The following ANKRD36 variants were observed in gnomAD, a reference collection of about 807,000 sequenced individuals.
The protein encoded by ANKRD36 is ankyrin repeat domain-containing protein 36A.
ANKRD36 carries 179 observed loss-of-function variants against 278.1 expected under a neutral mutation model. The observed-to-expected ratio is 0.64, with a 90% CI of 0.57 to 0.73. The LOEUF is 0.73. Among genes scored for constraint, ANKRD36 ranks in the 30% least tolerant of loss-of-function variants. The pLI is 0.00. For missense variants in ANKRD36, 1,159 were observed against 1,956.7 expected, an observed-to-expected ratio of 0.59 and a Z score of 7.69; for synonymous variants, 320 against 641.1, an observed-to-expected ratio of 0.50 and a Z score of 7.57.
rs138555651 is a variant in ANKRD36 at position 97,194,036 on chromosome 2, T to G, written c.2450-690T>G. Among the ~76,000 whole-genome samples the G allele has an allele frequency of 4.2e-3, 644 of 151,774 alleles. 3 individuals carry two copies. The highest frequency in any genetic ancestry group is 0.014 in the African/African-American group (597 of 41,492). On this transcript the variant is annotated intron_variant, in intron 38 of 75. Transcript: ENST00000420699. Reference sequence around the variant, plus strand: ...TGTCAAATGATAATTGATGATATTTTTATTGAGGCTAATATATTATCCTTT... The same window carrying G: ...TGTCAAATGATAATTGATGATATTTGTATTGAGGCTAATATATTATCCTTT...
chr2:97,206,647 C>G (rs1030141874), intron 52 of ANKRD36, among the ~76,000 whole-genome samples: 3 of 151,396 alleles, frequency 2.0e-5, no homozygotes, highest in African/African-American at 4.8e-5. Context: ...TTTGGGGTTT[C>G]TGCTGAGGAA....
intron 4 of ANKRD36, among the ~76,000 whole-genome samples, chr2:97,123,619 A>G (rs1429976417): frequency 2.3e-3 from 100 of 43,584 alleles, no homozygotes; most frequent in Non-Finnish European, 8.0e-3. Context: ...AACATTATAT[A>G]TATATATATA....
At chr2:97,172,181 A>G (rs967596372) in intron 22 of ANKRD36, among the ~76,000 whole-genome samples, 3 of 151,876 alleles carry the variant, frequency 2.0e-5, no homozygotes, top group African/African-American at 7.2e-5. Context: ...ACACATGTGC[A>G]CATTCATAGA....
At chr2:97,196,237 T>C (rs1287533797) in intron 40 of ANKRD36, among the ~76,000 whole-genome samples, 1 of 151,988 alleles carries the variant, frequency 6.6e-6, no homozygotes, top group Admixed American at 6.6e-5. Flanking sequence ...TGTGAGATCA[T>C]GTAGCACCTG....
rs1439583739 is a variant in ANKRD36, at chr2:97,144,645, A to G, written c.936A>G (p.Thr312=). ...TTGTTTGAAATCCCACTCAGGATAC[A>G]AGTGACAAGGATGATTCTGTTTCGA... is the stretch of plus-strand genomic sequence containing the variant. ...SSQKQPALKD[T]SDKDDSVSNT... is the part of the protein sequence containing the mutation. The change falls in exon 10 of 76, where the codon ACA becomes ACG. Residue 312 remains threonine, a synonymous_variant. Transcript: ENST00000420699. 5.2e-6 allele frequency: 8 copies of G among 1,544,328 alleles called. No individual in the cohort carries two copies.
intron 56 of ANKRD36, among the ~76,000 whole-genome samples, chr2:97,210,309 T>A (rs867621672): frequency 1.3e-5 from 2 of 151,830 alleles, no homozygotes; most frequent in Admixed American, 6.6e-5. Context: ...GTGTAGCAAC[T>A]ATTTTCCTAA....
chr2:97,216,330 T>C (rs2065918016), intron 62 of ANKRD36, among the ~76,000 whole-genome samples: 1 of 151,878 alleles, frequency 6.6e-6, no homozygotes, highest in Admixed American at 6.6e-5. Flanking sequence ...AACAAGACTA[T>C]TATAGAAACA....
rs920883490 is a variant in ANKRD36 at position 97,187,326 on chromosome 2, C to G, written c.2071-3C>G. On this transcript the variant is annotated splice_region_variant and splice_polypyrimidine_tract_variant and intron_variant, in intron 31 of 75. Transcript: ENST00000420699. Reference sequence around the variant, plus strand: ...TTATTATTTTCTTTCAAATTCCATTCAGGCTACAACTGACGAGGAAGACTC... The same window carrying G: ...TTATTATTTTCTTTCAAATTCCATTGAGGCTACAACTGACGAGGAAGACTC... The G allele has an allele frequency of 6.2e-7, 1 of 1,605,468 alleles. No homozygotes were observed. Among genetic ancestry groups the G allele is most frequent in the Non-Finnish European group, 8.5e-7 (1 of 1,176,600 alleles).
intron 16 of ANKRD36, among the ~76,000 whole-genome samples, 171 bp downstream of exon 16, chr2:97,158,338 C>A (rs2048036054): frequency 6.6e-6 from 1 of 152,176 alleles, no homozygotes; most frequent in Non-Finnish European, 1.5e-5. Context: ...AGTGATTCTC[C>A]TGCCTCAGCC....
At chr2:97,132,271 C>T (rs1445683493) in intron 6 of ANKRD36, among the ~76,000 whole-genome samples, 4 of 151,782 alleles carry the variant, frequency 2.6e-5, no homozygotes, top group African/African-American at 9.7e-5. Flanking sequence ...GTTGGGACTA[C>T]AGGTGTGTGT....
chr2:97,150,733 G>A (rs1012417256), intron 12 of ANKRD36, among the ~76,000 whole-genome samples: 2 of 152,214 alleles, frequency 1.3e-5, no homozygotes, highest in African/African-American at 4.8e-5. Flanking sequence ...GCTTAGATTA[G>A]GATTTTAGAT....
At chr2:97,242,433 T>C (rs2074625883) in intron 69 of ANKRD36, among the ~76,000 whole-genome samples, 1 of 150,756 alleles carries the variant, frequency 6.6e-6, no homozygotes, top group Non-Finnish European at 1.5e-5. Context: ...AAGACATGTA[T>C]TATTCTTTAT....
chr2:97,128,952 G>A (rs1404099271), intron 6 of ANKRD36, among the ~76,000 whole-genome samples: 1 of 152,076 alleles, frequency 6.6e-6, no homozygotes, highest in Non-Finnish European at 1.5e-5. Flanking sequence ...TGTCTTTATA[G>A]CAGCATGATT....
At chr2:97,215,669 A>G (rs2065741906) in intron 62 of ANKRD36, 172 bp downstream of exon 62, 1 of 1,527,732 alleles carries the variant, frequency 6.5e-7, no homozygotes, top group Non-Finnish European at 8.9e-7. Flanking sequence ...GTCCTTGACC[A>G]TGATCTGAGT....
intron 1 of ANKRD36, among the ~76,000 whole-genome samples, chr2:97,117,302 T>A (rs893897819): frequency 1.3e-5 from 2 of 152,072 alleles, no homozygotes; most frequent in African/African-American, 4.8e-5. Flanking sequence ...TTTGTTTTTT[T>A]ATTTTTGCCT....
intron 68 of ANKRD36, among the ~76,000 whole-genome samples, chr2:97,240,984 T>TGTTG (rs1576533983): frequency 3.7e-4 from 7 of 18,798 alleles, no homozygotes; most frequent in African/African-American, 2.2e-3. Context: ...ATAACTATGT[T>TGTTG]TTTTTTTTTT....
intron 52 of ANKRD36, among the ~76,000 whole-genome samples, chr2:97,207,023 A>G (rs1023593959): frequency 6.6e-6 from 1 of 151,718 alleles, no homozygotes; most frequent in East Asian, 2.0e-4. Flanking sequence ...TTTTCAATGA[A>G]TATTGCAGTG....
chr2:97,116,841 T>C (rs1021986528), intron 1 of ANKRD36, among the ~76,000 whole-genome samples: 11 of 152,158 alleles, frequency 7.2e-5, no homozygotes, highest in African/African-American at 2.6e-4. Flanking sequence ...GTTTTTTTCA[T>C]AATAAACTTC....
At chr2:97,179,518 A>T (rs1375904784) in intron 22 of ANKRD36, among the ~76,000 whole-genome samples, 1 of 151,596 alleles carries the variant, frequency 6.6e-6, no homozygotes, top group Non-Finnish European at 1.5e-5. Flanking sequence ...CATATCACAT[A>T]TGAAATTGTC....
Sources: allele counts gnomAD v4.1 joint callset (sites outside exome capture counted in the v4.1 genomes callset), GRCh38; gene constraint gnomAD v4.1.1; transcripts MANE v1.5; gene names NCBI Gene and HGNC (gene_info 2026-07-23, HGNC 2026-07-21).